Variants in GALNT17 observed in about 807,000 individuals in gnomAD.
GALNT17 encodes the protein polypeptide N-acetylgalactosaminyltransferase 17.
In GALNT17, 29 loss-of-function variants were observed where a neutral mutation model predicts 63.7. The observed-to-expected ratio is 0.46, with a 90% confidence interval of 0.34 to 0.62. The LOEUF is 0.62. Among genes scored for constraint, GALNT17 ranks in the 20% least tolerant of loss-of-function variants. The probability of loss-of-function intolerance (pLI) is 0.01; values close to 1 mark genes in which losing one functional copy is unlikely to be tolerated. For missense variants in GALNT17, 603 were observed against 799.6 expected (o/e 0.75, Z 2.97); for synonymous variants, 305 against 318.3 (o/e 0.96, Z 0.45).
chr7:71,333,530 C>A (rs572871439), intron 1 of GALNT17, among the ~76,000 whole-genome samples: 1 of 152,090 alleles, frequency 6.6e-6, no homozygotes, highest in South Asian at 2.1e-4. Flanking sequence ...CATATGGTAA[C>A]TATATTTAGC....
chr7:71,443,531 G>A (rs986779664), intron 5 of GALNT17, among the ~76,000 whole-genome samples: 1 of 151,994 alleles, frequency 6.6e-6, no homozygotes, highest in South Asian at 2.1e-4. Flanking sequence ...AAAGAGCATG[G>A]CACTTTCCTT....
chr7:71,374,614 C>CA (rs916712068), intron 2 of GALNT17, among the ~76,000 whole-genome samples: 33 of 152,180 alleles, frequency 2.2e-4, no homozygotes, highest in African/African-American at 8.0e-4. Flanking sequence ...AAACTTCAGT[C>CA]ACACTGCAAA....
intron 6 of GALNT17, among the ~76,000 whole-genome samples, chr7:71,618,282 C>T (rs1584093464): frequency 6.6e-6 from 1 of 152,122 alleles, no homozygotes; most frequent in South Asian, 2.1e-4. Flanking sequence ...CATACGAGTG[C>T]AGGTGTCTTT....
chr7:71,518,070 G>A (rs1284708211), intron 5 of GALNT17, among the ~76,000 whole-genome samples: 2 of 152,160 alleles, frequency 1.3e-5, no homozygotes, highest in African/African-American at 4.8e-5. Context: ...GCAAGTGAGA[G>A]GAGAAGAAAA....
At chr7:71,530,368 C>T (rs1470689026) in intron 5 of GALNT17, among the ~76,000 whole-genome samples, 1 of 152,106 alleles carries the variant, frequency 6.6e-6, no homozygotes, top group African/African-American at 2.4e-5. Context: ...ACATTTACTT[C>T]TCCTAAAGAC....
chr7:71,153,703 G>T (rs1015663528), intron 1 of GALNT17, among the ~76,000 whole-genome samples: 2 of 152,100 alleles, frequency 1.3e-5, no homozygotes, highest in Non-Finnish European at 2.9e-5. Flanking sequence ...GATCATTTGA[G>T]GTCAGGAGTT....
At chr7:71,256,288 T>C (rs1349044783) in intron 1 of GALNT17, among the ~76,000 whole-genome samples, 2 of 152,214 alleles carry the variant, frequency 1.3e-5, no homozygotes, top group Non-Finnish European at 2.9e-5. Context: ...AACCAAGTTA[T>C]GGGCTAGGCG....
At chr7:71,622,160 A>G (rs1790303776) in intron 6 of GALNT17, among the ~76,000 whole-genome samples, 1 of 152,230 alleles carries the variant, frequency 6.6e-6, no homozygotes, top group South Asian at 2.1e-4. Context: ...ACAGGGACCC[A>G]GCACAAAATC....
chr7:71,515,230 G>T (rs965170220), intron 5 of GALNT17, among the ~76,000 whole-genome samples: 1 of 152,178 alleles, frequency 6.6e-6, no homozygotes, highest in Non-Finnish European at 1.5e-5. Flanking sequence ...AGAGAGAAAT[G>T]CCTTAGGAGC....
intron 3 of GALNT17, among the ~76,000 whole-genome samples, chr7:71,407,272 A>G (rs575868151): frequency 6.6e-6 from 1 of 152,322 alleles, no homozygotes. Context: ...GGAACAAGCT[A>G]GGAGCAGAGA....
In GALNT17 at chr7:71,525,516, G is replaced by T. The variant is rs186239130; in HGVS notation, c.963-45769G>T. ...CCACCGCACCCGGCCAACTGTTCTTGTGGTAATGAGTAAGTCTCATGAGAT... is the reference window on the plus strand; with the variant it reads ...CCACCGCACCCGGCCAACTGTTCTTTTGGTAATGAGTAAGTCTCATGAGAT... On this transcript the variant is annotated intron_variant, in intron 5 of 10. Transcript: ENST00000333538. 8.8e-4 allele frequency among the ~76,000 whole-genome samples: 134 copies of T among 151,422 alleles called. 6 individuals carry two copies. In the South Asian group the frequency reaches 0.015, roughly 17 times the overall value.
At chr7:71,287,841 C>G (rs1790902107) in intron 1 of GALNT17, among the ~76,000 whole-genome samples, 1 of 151,882 alleles carries the variant, frequency 6.6e-6, no homozygotes, top group African/African-American at 2.4e-5. Context: ...CACCTGAGGT[C>G]AGGAGTTTGA....
chr7:71,372,387 A>G (rs866199349), intron 2 of GALNT17, among the ~76,000 whole-genome samples: 2 of 151,674 alleles, frequency 1.3e-5, no homozygotes, highest in Middle Eastern at 3.4e-3. Flanking sequence ...CTGGTCTCGA[A>G]CTCCTGACCT....
At chr7:71,461,191 A>T (rs771028307) in intron 5 of GALNT17, among the ~76,000 whole-genome samples, 2 of 152,026 alleles carry the variant, frequency 1.3e-5, no homozygotes, top group Non-Finnish European at 2.9e-5. Context: ...GTATGCAGCA[A>T]CCCATTTTTC....
intron 1 of GALNT17, among the ~76,000 whole-genome samples, chr7:71,161,800 C>T (rs1788346186): frequency 6.6e-6 from 1 of 152,076 alleles, no homozygotes; most frequent in Non-Finnish European, 1.5e-5. Flanking sequence ...ATTGGGCCCT[C>T]AACTGTTACA....
chr7:71,709,787 C>T lies in GALNT17; in HGVS notation c.1501-974C>T, dbSNP rs181690529. 3.2e-3 allele frequency among the ~76,000 whole-genome samples: 480 copies of T among 152,174 alleles called. 1 individual carries two copies. The highest frequency in any genetic ancestry group is 5.9e-3 in the Non-Finnish European group (403 of 68,008). ...CTGATTTTTGTAGTTTTAGAAGAGA[C>T]GGAGTTTGGCCATGTTGGTCAGGCT... On this transcript the variant is annotated intron_variant, in intron 9 of 10. Coordinates refer to ENST00000333538, the MANE Select transcript of GALNT17 (RefSeq NM_022479.3).
At chr7:71,474,184 C>T (rs1787686012) in intron 5 of GALNT17, among the ~76,000 whole-genome samples, 1 of 152,184 alleles carries the variant, frequency 6.6e-6, no homozygotes, top group African/African-American at 2.4e-5. Flanking sequence ...CTTTAGCATG[C>T]TAATGCATTA....
intron 1 of GALNT17, among the ~76,000 whole-genome samples, chr7:71,298,489 G>A (rs1301336346): frequency 2.0e-5 from 3 of 152,058 alleles, no homozygotes; most frequent in South Asian, 2.1e-4. Flanking sequence ...GTCCTAGCTC[G>A]GGCATGGACG....
intron 1 of GALNT17, among the ~76,000 whole-genome samples, chr7:71,272,864 C>G (rs185415496): frequency 6.6e-6 from 1 of 152,264 alleles, no homozygotes; most frequent in East Asian, 1.9e-4. Context: ...ATGTCTGTCT[C>G]TCCTGTTATG....
Sources: allele counts gnomAD v4.1 joint callset (sites outside exome capture counted in the v4.1 genomes callset), GRCh38; gene constraint gnomAD v4.1.1; transcripts MANE v1.5; gene names NCBI Gene and HGNC (gene_info 2026-07-23, HGNC 2026-07-21).